The following CWC27 variants were observed in gnomAD, a reference collection of about 807,000 sequenced individuals.
CWC27 encodes CWC27 spliceosome associated cyclophilin.
Under a neutral mutation model 63.6 loss-of-function variants are expected in CWC27, and 47 were observed. That is an observed-to-expected ratio of 0.74 (90% CI 0.58 to 0.94). The LOEUF (loss-of-function observed/expected upper bound fraction) is 0.94, where lower values mean the gene tolerates loss of function less well. CWC27 is among the 40% of genes least tolerant of loss of function. The pLI is 0.00. For missense variants in CWC27, 495 were observed against 554.3 expected (o/e 0.89, Z 1.07); for synonymous variants, 175 against 179.8 (o/e 0.97, Z 0.22).
chr5:64,954,041 T>C (rs766541778), intron 11 of CWC27, among the ~76,000 whole-genome samples: 4 of 152,346 alleles, frequency 2.6e-5, no homozygotes, highest in Admixed American at 2.0e-4. Context: ...TTAAATGATA[T>C]TTATCAAATG....
chr5:64,907,879 A>G (rs1747690569), intron 11 of CWC27, among the ~76,000 whole-genome samples: 1 of 151,654 alleles, frequency 6.6e-6, no homozygotes, highest in South Asian at 2.1e-4. Flanking sequence ...TTGTGTCTCC[A>G]TCTCCTTCAG....
At chr5:64,845,978 C>T (rs1192837774) in intron 10 of CWC27, among the ~76,000 whole-genome samples, 1 of 152,124 alleles carries the variant, frequency 6.6e-6, no homozygotes, top group African/African-American at 2.4e-5. Flanking sequence ...TTGAGAACAG[C>T]AAGAGATAAT....
At chr5:64,777,003 A>G (rs1743480978) in intron 2 of CWC27, among the ~76,000 whole-genome samples, 2 of 152,104 alleles carry the variant, frequency 1.3e-5, no homozygotes. Flanking sequence ...AAAACTTATC[A>G]ATTAAAAAAT....
intron 13 of CWC27, among the ~76,000 whole-genome samples, chr5:64,978,367 GGTTACGATGCCA>G (rs1237102701): frequency 1.3e-5 from 2 of 151,960 alleles, no homozygotes; most frequent in Admixed American, 1.3e-4. Flanking sequence ...ATATGATGTG[GGTTACGATGCCA>G]GTTTTTGTAA....
intron 13 of CWC27, among the ~76,000 whole-genome samples, chr5:64,994,117 C>T (rs1309547): frequency 0.74 from 112,404 of 152,088 alleles, 42,406 homozygotes; most frequent in African/African-American, 0.89. Flanking sequence ...TATTGTTCAA[C>T]ATATAAAACA....
chr5:64,784,983 A>G (rs1460371999), intron 4 of CWC27, among the ~76,000 whole-genome samples: 1 of 152,210 alleles, frequency 6.6e-6, no homozygotes, highest in Non-Finnish European at 1.5e-5. Flanking sequence ...AATGTGTAGC[A>G]TAGTTAGAAG....
intron 13 of CWC27, among the ~76,000 whole-genome samples, chr5:65,005,724 C>T (rs1345190006): frequency 3.3e-5 from 5 of 152,180 alleles, no homozygotes; most frequent in Admixed American, 1.3e-4. Flanking sequence ...CCTAAAGAAT[C>T]TGTGAACAAT....
rs1324100900 is a variant in CWC27 at position 64,894,313 on chromosome 5, C to T, written c.1042+8767C>T. Among the ~76,000 whole-genome samples, 5 of 152,262 alleles carry T rather than the reference C, an allele frequency of 3.3e-5. No individual in the cohort carries two copies. In the East Asian group the frequency reaches 9.6e-4, roughly 29 times the overall value. On this transcript the variant is annotated intron_variant, in intron 11 of 13. Coordinates refer to ENST00000381070, the MANE Select transcript of CWC27 (RefSeq NM_005869.4). ...ACAGAGCAAAGTAATAGAACTAGAACTCAGGACCCTTAGATTTGTGTCCAG... is the reference window on the plus strand; with the variant it reads ...ACAGAGCAAAGTAATAGAACTAGAATTCAGGACCCTTAGATTTGTGTCCAG...
chr5:64,959,074 T>G (rs1247139445), intron 11 of CWC27, among the ~76,000 whole-genome samples: 1 of 152,162 alleles, frequency 6.6e-6, no homozygotes, highest in East Asian at 1.9e-4. Context: ...TGGTAGTTTT[T>G]TTATTGTAGT....
intron 11 of CWC27, among the ~76,000 whole-genome samples, chr5:64,970,359 C>A (rs1016884994): frequency 6.6e-6 from 1 of 151,866 alleles, no homozygotes; most frequent in Admixed American, 6.6e-5. Flanking sequence ...ACTACAGGCG[C>A]CCGCCACCAC....
chr5:64,945,666 A>G (rs968325585), intron 11 of CWC27, among the ~76,000 whole-genome samples: 1 of 152,168 alleles, frequency 6.6e-6, no homozygotes, highest in African/African-American at 2.4e-5. Flanking sequence ...GAAGTAATTG[A>G]TGTTTCCCCA....
intron 13 of CWC27, among the ~76,000 whole-genome samples, chr5:64,980,351 A>G (rs565404987): frequency 3.7e-4 from 56 of 152,338 alleles, no homozygotes; most frequent in African/African-American, 1.3e-3. Context: ...CCAGGGATTC[A>G]TATGACCATA....
At chr5:64,898,586 G>T (rs986026506) in intron 11 of CWC27, among the ~76,000 whole-genome samples, 3 of 152,066 alleles carry the variant, frequency 2.0e-5, no homozygotes, top group Non-Finnish European at 4.4e-5. Context: ...TACGTACAAG[G>T]AGTGTCATTA....
chr5:65,009,510 T>C (rs1456577107), intron 13 of CWC27, among the ~76,000 whole-genome samples: 2 of 152,220 alleles, frequency 1.3e-5, no homozygotes, highest in African/African-American at 2.4e-5. Context: ...ATGTTGAAGC[T>C]CTAACTGCCA....
At chr5:64,806,410 A>G (rs551278835) in intron 10 of CWC27, among the ~76,000 whole-genome samples, 31 of 152,294 alleles carry the variant, frequency 2.0e-4, no homozygotes, top group Non-Finnish European at 3.7e-4. Flanking sequence ...GGATTCTTTT[A>G]GGTAAAATAA....
intron 11 of CWC27, among the ~76,000 whole-genome samples, chr5:64,896,013 C>T (rs1747366472): frequency 6.6e-6 from 1 of 151,886 alleles, no homozygotes; most frequent in Non-Finnish European, 1.5e-5. Context: ...ATGAAAAGAT[C>T]GATTTTACAG....
At chr5:64,853,509 A>T (rs1231606431) in intron 10 of CWC27, among the ~76,000 whole-genome samples, 1 of 152,206 alleles carries the variant, frequency 6.6e-6, no homozygotes. Flanking sequence ...CCATTATATT[A>T]GTCCATTCTT....
intron 10 of CWC27, chr5:64,884,201 T>C (rs939995568): frequency 1.2e-4 from 18 of 152,148 alleles, no homozygotes; most frequent in African/African-American, 4.3e-4. Context: ...TGATGGACCA[T>C]GAACTACAGT....
At chr5:64,842,403 A>G (rs1296092332) in intron 10 of CWC27, among the ~76,000 whole-genome samples, 1 of 151,856 alleles carries the variant, frequency 6.6e-6, no homozygotes, top group Non-Finnish European at 1.5e-5. Flanking sequence ...TCCTGGGTTC[A>G]AGCGATTCTC....
Sources: allele counts gnomAD v4.1 joint callset (sites outside exome capture counted in the v4.1 genomes callset), GRCh38; gene constraint gnomAD v4.1.1; transcripts MANE v1.5; gene names NCBI Gene and HGNC (gene_info 2026-07-23, HGNC 2026-07-21).